BCAS3: variants seen among roughly 807,000 people sequenced by gnomAD.
BCAS3 encodes BCAS3 microtubule associated cell migration factor.
BCAS3 carries 53 observed loss-of-function variants against 116.1 expected under a neutral mutation model. The observed-to-expected ratio is 0.46, with a 90% confidence interval of 0.37 to 0.57. BCAS3 has a LOEUF of 0.57. BCAS3 is among the 20% of genes least tolerant of loss of function. The pLI is 0.00. For missense variants in BCAS3, 917 were observed against 1,165.4 expected, an observed-to-expected ratio of 0.79 and a Z score of 3.10; for synonymous variants, 391 against 408.2, an observed-to-expected ratio of 0.96 and a Z score of 0.51.
chr17:61,142,170 G>C (rs922183890), intron 22 of BCAS3, among the ~76,000 whole-genome samples: 1 of 151,810 alleles, frequency 6.6e-6, no homozygotes, highest in Non-Finnish European at 1.5e-5. Flanking sequence ...TAATCTTGTT[G>C]ACAATCTGCT....
rs34499099 is a variant in BCAS3 at position 61,223,151 on chromosome 17, C to CTTTTT, written c.2425+138607_2425+138611dup. 1.6e-3 allele frequency among the ~76,000 whole-genome samples: 130 copies of CTTTTT among 79,070 alleles called. 5 individuals are homozygous for CTTTTT. Among genetic ancestry groups the CTTTTT allele is most frequent in the African/African-American group, 4.3e-3 (81 of 19,022 alleles). The allele number at this position is 79,070 out of a possible 152,430, so 51.9% of individuals were successfully genotyped here. Reference sequence around the variant, plus strand: ...TTCAATATGTGACAGGATGCAGCGCCTTTTTTTTTTTTTTTTTTTTTTTTG... The same window carrying CTTTTT: ...TTCAATATGTGACAGGATGCAGCGCCTTTTTTTTTTTTTTTTTTTTTTTTTTTTTG... On this transcript the variant is annotated intron_variant, in intron 22 of 23. Coordinates refer to ENST00000407086, the MANE Select transcript of BCAS3 (RefSeq NM_017679.5).
chr17:60,826,535 T>A (rs2050444729), intron 7 of BCAS3, among the ~76,000 whole-genome samples: 1 of 152,140 alleles, frequency 6.6e-6, no homozygotes, highest in African/African-American at 2.4e-5. Context: ...TTGCAGCTGG[T>A]AAGGTAAAAA....
At chr17:61,298,273 G>T (rs936193653) in intron 22 of BCAS3, among the ~76,000 whole-genome samples, 1 of 151,956 alleles carries the variant, frequency 6.6e-6, no homozygotes, top group Non-Finnish European at 1.5e-5. Flanking sequence ...GTGTAACAGG[G>T]CTGGAAAACT....
At chr17:60,838,898 C>T (rs1206946741) in intron 7 of BCAS3, among the ~76,000 whole-genome samples, 2 of 152,124 alleles carry the variant, frequency 1.3e-5, no homozygotes, top group Admixed American at 1.3e-4. Context: ...CACACTGCAG[C>T]CTCAAACTCC....
At chr17:61,048,392 T>C (rs2068539751) in intron 19 of BCAS3, among the ~76,000 whole-genome samples, 1 of 152,000 alleles carries the variant, frequency 6.6e-6, no homozygotes, top group Admixed American at 6.6e-5. Context: ...GCCCTGCACT[T>C]GCCTTAGTTT....
chr17:61,206,426 T>C (rs1310085712), intron 22 of BCAS3, among the ~76,000 whole-genome samples: 1 of 152,194 alleles, frequency 6.6e-6, no homozygotes, highest in Non-Finnish European at 1.5e-5. Context: ...TACATATTAA[T>C]ATATCCATAA....
intron 9 of BCAS3, among the ~76,000 whole-genome samples, chr17:60,886,823 C>T (rs1270504464): frequency 6.6e-6 from 1 of 151,872 alleles, no homozygotes; most frequent in Non-Finnish European, 1.5e-5. Flanking sequence ...CAGCTGCGTG[C>T]TGGGAGAACC....
At chr17:60,777,832 C>T (rs1201882597) in intron 6 of BCAS3, among the ~76,000 whole-genome samples, 1 of 152,158 alleles carries the variant, frequency 6.6e-6, no homozygotes, top group Non-Finnish European at 1.5e-5. Context: ...ATGTCCTCAT[C>T]CTCTTTTTGG....
chr17:60,947,608 A>G (rs767712348), intron 14 of BCAS3, among the ~76,000 whole-genome samples: 22 of 152,238 alleles, frequency 1.4e-4, no homozygotes, highest in Non-Finnish European at 1.8e-4. Flanking sequence ...TGCTTTTCCC[A>G]ACCTGAGACC....
intron 4 of BCAS3, among the ~76,000 whole-genome samples, chr17:60,692,733 CAA>C (rs112569544): frequency 1.6e-5 from 2 of 121,898 alleles, no homozygotes; most frequent in African/African-American, 5.9e-5. Context: ...GACTCCATCT[CAA>C]AAAAAAAAAA....
intron 15 of BCAS3, among the ~76,000 whole-genome samples, chr17:60,997,304 A>T (rs2063908378): frequency 6.6e-6 from 1 of 152,166 alleles, no homozygotes; most frequent in South Asian, 2.1e-4. Flanking sequence ...TGTGTAAAAG[A>T]CATATGTCTT....
intron 10 of BCAS3, among the ~76,000 whole-genome samples, chr17:60,899,493 C>T (rs2057735000): frequency 6.6e-6 from 1 of 152,006 alleles, no homozygotes; most frequent in African/African-American, 2.4e-5. Context: ...CCAGCAGTGA[C>T]AGCCTGAGAT....
rs1285870235 is a variant in BCAS3 at position 61,073,517 on chromosome 17, C to G, written c.2030-1403C>G. Among the ~76,000 whole-genome samples the G allele has an allele frequency of 6.6e-6, 1 of 152,156 alleles. No homozygotes were observed. The highest frequency in any genetic ancestry group is 1.5e-5 in the Non-Finnish European group (1 of 68,038). On this transcript the variant is annotated intron_variant, in intron 19 of 23. Transcript: ENST00000407086. The surrounding 1 kb of genome is among the most constrained non-coding windows in gnomAD (Gnocchi z 4.6). The stretch of plus-strand genomic sequence containing the variant: ...GCAAGAGCTCAGTGAGGTTGGCATT[C>G]TCTTTCACTGCTTGGGTAAGTGTAT...
At chr17:60,870,288 A>G (rs547526640) in intron 8 of BCAS3, among the ~76,000 whole-genome samples, 139 of 152,338 alleles carry the variant, frequency 9.1e-4, no homozygotes, top group African/African-American at 3.2e-3. Context: ...AAGAGGTGAT[A>G]TGACAAGAGT....
At chr17:61,044,465 A>AAAAAAAAAAAAAAAAATATATAT in intron 19 of BCAS3, among the ~76,000 whole-genome samples, 5 of 120,106 alleles carry the variant, frequency 4.2e-5, no homozygotes, top group African/African-American at 2.0e-4. Context: ...AAAAAAAAAA[A>AAAAAAAAAAAAAAAAATATATAT]ATATATATAT....
chr17:61,318,642 T>C (rs1266130806), intron 22 of BCAS3, among the ~76,000 whole-genome samples: 2 of 152,230 alleles, frequency 1.3e-5, no homozygotes, highest in African/African-American at 4.8e-5. Flanking sequence ...CAGCCTTGTG[T>C]TGGGGTTTCT....
In BCAS3 at chr17:61,285,173, A is replaced by G. The variant is rs1402397184; in HGVS notation, c.2426-83154A>G. On this transcript the variant is annotated intron_variant, in intron 22 of 23. Coordinates refer to ENST00000407086, the MANE Select transcript of BCAS3 (RefSeq NM_017679.5). The surrounding 1 kb of genome is among the most constrained non-coding windows in gnomAD (Gnocchi z 5.4). ...ACCAGGGACCACAGGAACCAGAGAAATGAAAAGTATCACTTGAGAACTAAA... is the reference window on the plus strand; with the variant it reads ...ACCAGGGACCACAGGAACCAGAGAAGTGAAAAGTATCACTTGAGAACTAAA... Among the ~76,000 whole-genome samples the G allele has an allele frequency of 6.6e-6, 1 of 151,968 alleles. No individual in the cohort carries two copies. The highest frequency in any genetic ancestry group is 1.5e-5 in the Non-Finnish European group (1 of 68,014).
At chr17:61,210,948 T>C (rs1601928953) in intron 22 of BCAS3, among the ~76,000 whole-genome samples, 1 of 151,286 alleles carries the variant, frequency 6.6e-6, no homozygotes, top group East Asian at 1.9e-4. Context: ...CTGAAAAGAG[T>C]CTATCACCAA....
At chr17:60,748,825 A>G (rs955495918) in intron 6 of BCAS3, 1 of 152,222 alleles carries the variant, frequency 6.6e-6, no homozygotes, top group Non-Finnish European at 1.5e-5. Context: ...GTATTTATTT[A>G]AAAACATATT....
Sources: allele counts gnomAD v4.1 joint callset (sites outside exome capture counted in the v4.1 genomes callset), GRCh38; gene constraint gnomAD v4.1.1; non-coding constraint Gnocchi (gnomAD v3.1); transcripts MANE v1.5; gene names NCBI Gene and HGNC (gene_info 2026-07-23, HGNC 2026-07-21).